The following RALYL variants were observed in gnomAD, a reference collection of about 807,000 sequenced individuals.
RALYL encodes the protein RALY RNA binding protein like.
In RALYL, 29 loss-of-function variants were observed where a neutral mutation model predicts 35.1. That is an observed-to-expected ratio of 0.83 (90% CI 0.61 to 1.13). The LOEUF is 1.13. Among genes scored for constraint, RALYL ranks in the 50% most tolerant of loss-of-function variants. The probability of loss-of-function intolerance (pLI) is 0.00; values close to 1 mark genes in which losing one functional copy is unlikely to be tolerated. For synonymous variants in RALYL, 120 were observed against 127.6 expected, an observed-to-expected ratio of 0.94 and a Z score of 0.40; for missense variants, 359 against 360.4, an observed-to-expected ratio of 1.00 and a Z score of 0.03.
chr8:84,364,696 T>C (rs1491565), intron 1 of RALYL, among the ~76,000 whole-genome samples: 58,345 of 151,968 alleles, frequency 0.38, 11,707 homozygotes, highest in East Asian at 0.5. Flanking sequence ...CACTAAGTTA[T>C]AAATCATCAC....
chr8:84,888,949 C>A (rs1563814832), intron 8 of RALYL, among the ~76,000 whole-genome samples: 1 of 152,076 alleles, frequency 6.6e-6, no homozygotes, highest in Non-Finnish European at 1.5e-5. Context: ...GCGGTTTCAC[C>A]ATGTTGGCCA....
chr8:84,665,949 G>A (rs561115916), intron 2 of RALYL: 1 of 151,868 alleles, frequency 6.6e-6, no homozygotes, highest in Non-Finnish European at 1.5e-5. Context: ...AAAAAAATCT[G>A]TCAACAAAGA....
At chr8:84,735,494 G>C (rs1847088532) in intron 2 of RALYL, among the ~76,000 whole-genome samples, 1 of 151,902 alleles carries the variant, frequency 6.6e-6, no homozygotes, top group Non-Finnish European at 1.5e-5. Flanking sequence ...CCCAGCAGCA[G>C]AGTTTCCCAT....
intron 1 of RALYL, among the ~76,000 whole-genome samples, chr8:84,267,479 C>A (rs1285588113): frequency 6.6e-6 from 1 of 152,060 alleles, no homozygotes; most frequent in Non-Finnish European, 1.5e-5. Flanking sequence ...GATGGTAGGA[C>A]CTTATCCTTA....
chr8:84,513,955 C>A lies in RALYL; in HGVS notation c.-23-15344C>A, dbSNP rs187660517. Among the ~76,000 whole-genome samples the A allele has an allele frequency of 2.1e-3, 312 of 151,544 alleles. 3 individuals are homozygous for A. The highest frequency in any genetic ancestry group is 7.0e-3 in the African/African-American group (290 of 41,370). ...TAATAAAAATTAAAAATTAGCCAGG[C>A]ATGGTGGTGTGTGCCTGTAATTGCA... On this transcript the variant is annotated intron_variant, in intron 1 of 8. Coordinates refer to ENST00000521268, the MANE Select transcript of RALYL (RefSeq NM_173848.7).
chr8:84,761,330 T>C (rs957677870), intron 2 of RALYL, among the ~76,000 whole-genome samples: 1 of 151,968 alleles, frequency 6.6e-6, no homozygotes, highest in Non-Finnish European at 1.5e-5. Context: ...GACCAGGATA[T>C]GATACATAAG....
intron 2 of RALYL, among the ~76,000 whole-genome samples, chr8:84,626,571 G>C (rs1290220858): frequency 6.6e-6 from 1 of 152,146 alleles, no homozygotes; most frequent in Non-Finnish European, 1.5e-5. Flanking sequence ...AATTCAGTGA[G>C]TATTCAGAAC....
intron 2 of RALYL, among the ~76,000 whole-genome samples, chr8:84,592,793 AAATG>A (rs1813590494): frequency 6.6e-6 from 1 of 152,204 alleles, no homozygotes; most frequent in African/African-American, 2.4e-5. Flanking sequence ...CTATGAAAAT[AAATG>A]AATATCATAT....
chr8:84,311,090 A>AAAAAAAAAAAAAAAAAAAAAAAAAAAT (rs1554614840), intron 1 of RALYL, among the ~76,000 whole-genome samples: 2 of 99,720 alleles, frequency 2.0e-5, no homozygotes, highest in African/African-American at 7.2e-5. Context: ...AAAAAAAAAA[A>AAAAAAAAAAAAAAAAAAAAAAAAAAAT]ATGTATATTA....
rs538723079 is a variant in RALYL at position 84,225,377 on chromosome 8, A to C, written c.-24+40953A>C. On this transcript the variant is annotated intron_variant, in intron 1 of 8. Transcript: ENST00000521268. ...CAAAACGCAAATCAGATCATGTCAC[A>C]AGCTGGCTTAGTCCTTCAGCAGATT... is the stretch of plus-strand genomic sequence containing the variant. Among the ~76,000 whole-genome samples the C allele has an allele frequency of 2.0e-5, 3 of 152,280 alleles. No individual in the cohort carries two copies. In the East Asian group the frequency reaches 5.8e-4, roughly 29 times the overall value.
chr8:84,834,755 T>C (rs1411243106), intron 4 of RALYL, among the ~76,000 whole-genome samples: 1 of 152,158 alleles, frequency 6.6e-6, no homozygotes, highest in Non-Finnish European at 1.5e-5. Context: ...CTCTAAACAT[T>C]CTAATATCAA....
chr8:84,785,530 C>T (rs1819232596), intron 3 of RALYL, among the ~76,000 whole-genome samples: 1 of 152,062 alleles, frequency 6.6e-6, no homozygotes, highest in Non-Finnish European at 1.5e-5. Context: ...AAGTTAATAC[C>T]TTTTTTCCTT....
intron 2 of RALYL, among the ~76,000 whole-genome samples, chr8:84,602,439 G>C (rs2130762987): frequency 6.6e-6 from 1 of 152,054 alleles, no homozygotes; most frequent in East Asian, 1.9e-4. Flanking sequence ...TTTCTCATCT[G>C]AATTACTGCA....
chr8:84,404,799 C>T (rs1286932028), intron 1 of RALYL, among the ~76,000 whole-genome samples: 1 of 152,046 alleles, frequency 6.6e-6, no homozygotes, highest in East Asian at 1.9e-4. Context: ...TCTGTCTGGT[C>T]CAGAAGTTTT....
chr8:84,516,639 A>G (rs1257935329), intron 1 of RALYL, among the ~76,000 whole-genome samples: 2 of 152,202 alleles, frequency 1.3e-5, no homozygotes, highest in Admixed American at 1.3e-4. Flanking sequence ...GAACTTAAAT[A>G]TAAGCAGGAG....
At chr8:84,751,441 T>C (rs1308957533) in intron 2 of RALYL, among the ~76,000 whole-genome samples, 1 of 151,880 alleles carries the variant, frequency 6.6e-6, no homozygotes, top group Non-Finnish European at 1.5e-5. Context: ...CTCCTGACCA[T>C]AGGTGATCCA....
chr8:84,662,203 T>C (rs570516160), intron 2 of RALYL, among the ~76,000 whole-genome samples: 3 of 152,276 alleles, frequency 2.0e-5, no homozygotes, highest in African/African-American at 7.2e-5. Context: ...AGGATAATGC[T>C]GAAACTCTTT....
chr8:84,714,582 C>A (rs1017539374), intron 2 of RALYL, among the ~76,000 whole-genome samples: 1 of 151,656 alleles, frequency 6.6e-6, no homozygotes, highest in Admixed American at 6.6e-5. Flanking sequence ...GAAAAGATAA[C>A]CATTCATAAG....
chr8:84,335,885 A>T (rs1847717844), intron 1 of RALYL, among the ~76,000 whole-genome samples: 1 of 151,966 alleles, frequency 6.6e-6, no homozygotes, highest in Non-Finnish European at 1.5e-5. Flanking sequence ...CAGGATAGTG[A>T]TTAAATCTAG....
Sources: allele counts gnomAD v4.1 joint callset (sites outside exome capture counted in the v4.1 genomes callset), GRCh38; gene constraint gnomAD v4.1.1; transcripts MANE v1.5; gene names NCBI Gene and HGNC (gene_info 2026-07-23, HGNC 2026-07-21).